The following ANKRD18B variants were observed in gnomAD, a reference collection of about 807,000 sequenced individuals.
ANKRD18B encodes the protein ankyrin repeat domain 18B.
In ANKRD18B, 75 loss-of-function variants were observed where a neutral mutation model predicts 111.8. The ratio of observed to expected loss-of-function variants is 0.67; its 90% CI spans 0.56 to 0.81. The LOEUF is 0.81. Ranked by LOEUF, ANKRD18B falls within the 40% of genes least tolerant of loss-of-function variation. The pLI is 0.00. For missense variants in ANKRD18B, 1,038 were observed against 1,225.5 expected (o/e 0.85, Z 2.28); for synonymous variants, 356 against 417.3 (o/e 0.85, Z 1.79).
chr9:33,571,476 T>G (rs1262017526), intron 18 of ANKRD18B, 185 bp downstream of exon 18: 1 of 173,020 alleles, frequency 5.8e-6, no homozygotes, highest in Non-Finnish European at 1.3e-5. Flanking sequence ...TATGCATCAT[T>G]AATTCATCAT....
intron 9 of ANKRD18B, 59 bp from the exon 10 acceptor site, chr9:33,543,126 T>C (rs2118036534): frequency 1.4e-6 from 2 of 1,401,652 alleles, no homozygotes; most frequent in Non-Finnish European, 1.9e-6. Flanking sequence ...TATCAATTTT[T>C]ATAAAGATTA....
At chr9:33,555,226 G>A (rs924105179) in intron 12 of ANKRD18B, among the ~76,000 whole-genome samples, 1 of 152,148 alleles carries the variant, frequency 6.6e-6, no homozygotes, top group African/African-American at 2.4e-5. Flanking sequence ...ACCTACAGGT[G>A]AATACTTACA....
At chr9:33,573,846 GCCT>G (rs1377308468), downstream of ANKRD18B, among the ~76,000 whole-genome samples, 1 of 145,274 alleles carries the variant, frequency 6.9e-6, no homozygotes, top group Admixed American at 7.0e-5. Context: ...GTTAGCGGTG[GCCT>G]CCTCAGTGAA....
At chr9:33,537,684 G>A (rs116572936) in intron 6 of ANKRD18B, among the ~76,000 whole-genome samples, 8,095 of 152,172 alleles carry the variant, frequency 0.053, 254 homozygotes, top group South Asian at 0.095. Context: ...GCGGGGGTTA[G>A]GGACTCTGAT....
chr9:33,564,976 C>T (rs1828664202), intron 14 of ANKRD18B, among the ~76,000 whole-genome samples: 1 of 152,110 alleles, frequency 6.6e-6, no homozygotes, highest in Non-Finnish European at 1.5e-5. Flanking sequence ...AGATGAATAG[C>T]TTGAAAATGT....
intron 10 of ANKRD18B, among the ~76,000 whole-genome samples, chr9:33,546,157 TA>T (rs1293601066): frequency 6.6e-6 from 1 of 152,180 alleles, no homozygotes; most frequent in Non-Finnish European, 1.5e-5. Flanking sequence ...GATAAAATGG[TA>T]ATACAGTGGG....
intron 3 of ANKRD18B, among the ~76,000 whole-genome samples, chr9:33,532,141 G>A (rs948295271): frequency 6.6e-6 from 1 of 152,100 alleles, no homozygotes; most frequent in African/African-American, 2.4e-5. Context: ...GGCTGAGGCA[G>A]GAGAATGGCA....
At position 33,534,469 on chromosome 9, in the gene ANKRD18B, A is replaced by T; in HGVS notation, c.702A>T (p.Gln234His). Residue 234 changes from glutamine (Q) to histidine (H), a missense_variant, in exon 5 of 19, where the codon CAA (glutamine) becomes CAT (histidine). By Grantham distance (24) the Gln-to-His change is conservative. This residue lies in a region of ANKRD18B where 93 missense variants were observed against 141.3 expected (regional missense o/e 0.66). Coordinates refer to ENST00000684830, the MANE Select transcript of ANKRD18B (RefSeq NM_001393611.1). ...IHISSQDMFG[Q>H]TAEDYAFCCD... Reference sequence around the variant, plus strand: ...TCTCTTCTCAAGACATGTTTGGCCAAACTGCCGAGGATTATGCTTTTTGTT... The same window carrying T: ...TCTCTTCTCAAGACATGTTTGGCCATACTGCCGAGGATTATGCTTTTTGTT... The T allele has an allele frequency of 2.6e-6, 4 of 1,550,528 alleles. No individual in the cohort carries two copies. Among genetic ancestry groups the T allele is most frequent in the Non-Finnish European group, 3.5e-6 (4 of 1,146,686 alleles).
chr9:33,570,393 A>G (rs945849724), intron 17 of ANKRD18B, among the ~76,000 whole-genome samples: 4 of 151,734 alleles, frequency 2.6e-5, no homozygotes, highest in Non-Finnish European at 4.4e-5. Context: ...AAACCTCAGC[A>G]TTCCTCAATA....
chr9:33,528,210 AG>A (rs1431740842), intron 1 of ANKRD18B, among the ~76,000 whole-genome samples: 3 of 152,184 alleles, frequency 2.0e-5, no homozygotes. Flanking sequence ...CTGGGGCAGG[AG>A]GTTTGTTTGA....
downstream of ANKRD18B, among the ~76,000 whole-genome samples, chr9:33,575,103 G>A (rs1828842261): frequency 6.6e-6 from 1 of 152,180 alleles, no homozygotes; most frequent in African/African-American, 2.4e-5. Context: ...CAGCTACTGA[G>A]GGTAATACCT....
rs575414956 is a variant in ANKRD18B, at chr9:33,572,794, T to C, written c.*360T>C. Reference sequence around the variant, plus strand: ...GCCAGGTTTGTCCATACTAGTGTTATGATTTTCTTTTTGTAGTTCAATAGT... The same window carrying C: ...GCCAGGTTTGTCCATACTAGTGTTACGATTTTCTTTTTGTAGTTCAATAGT... On this transcript the variant is annotated 3_prime_UTR_variant, in exon 19 of 19. Coordinates refer to ENST00000684830, the MANE Select transcript of ANKRD18B (RefSeq NM_001393611.1). 1.4e-5 allele frequency: 13 copies of C among 944,130 alleles called. No individual in the cohort carries two copies. The East Asian group carries it at 1.3e-3, about 95-fold the overall frequency. 58.5% of individuals were successfully genotyped at this position (944,130 alleles called of 1,614,324 possible).
At position 33,545,938 on chromosome 9, in the gene ANKRD18B, G is replaced by A. The variant is rs184034259; in HGVS notation, c.1150-2000G>A. On this transcript the variant is annotated intron_variant, in intron 10 of 18. Coordinates refer to ENST00000684830, the MANE Select transcript of ANKRD18B (RefSeq NM_001393611.1). Reference sequence around the variant, plus strand: ...AGATTAGTGCTGCTGTCTAAATGGCGGTTCTGGAAAACATTCTCATAATCT... The same window carrying A: ...AGATTAGTGCTGCTGTCTAAATGGCAGTTCTGGAAAACATTCTCATAATCT... 1.2e-4 allele frequency among the ~76,000 whole-genome samples: 18 copies of A among 152,238 alleles called. No homozygotes were observed. The East Asian group carries it at 2.7e-3, about 23-fold the overall frequency.
rs2763825 is a variant in ANKRD18B at position 33,555,776 on chromosome 9, T to C, written c.2286T>C (p.Asp762=). 7.0e-7 allele frequency: 1 copy of C among 1,418,478 alleles called. No individual in the cohort carries two copies. The highest frequency in any genetic ancestry group is 9.2e-7 in the Non-Finnish European group (1 of 1,086,388). The allele number at this position is 1,418,478 out of a possible 1,614,324, so 87.9% of individuals were successfully genotyped here. Reference sequence around the variant, plus strand: ...TATCATTACTGAACTATACTGCGGATCAAATAAGAAAGAAAAATCGTGAAT... The same window carrying C: ...TATCATTACTGAACTATACTGCGGACCAAATAAGAAAGAAAAATCGTGAAT... ...ELISLLNYTA[D]QIRKKNRELE... Residue 762 remains aspartate (D), a synonymous_variant, in exon 13 of 19, where the codon GAT becomes GAC. Coordinates refer to ENST00000684830, the MANE Select transcript of ANKRD18B (RefSeq NM_001393611.1).
At chr9:33,541,439 CTGCCT>C (rs1828278127) in intron 9 of ANKRD18B, among the ~76,000 whole-genome samples, 1 of 152,176 alleles carries the variant, frequency 6.6e-6, no homozygotes, top group Non-Finnish European at 1.5e-5. Context: ...ACGGTGGCTC[CTGCCT>C]GTAATGAGTC....
intron 12 of ANKRD18B, among the ~76,000 whole-genome samples, chr9:33,553,304 G>C (rs1471722489): frequency 6.6e-6 from 1 of 152,024 alleles, no homozygotes; most frequent in Non-Finnish European, 1.5e-5. Flanking sequence ...GAATATCAAG[G>C]CTGCAGTGAG....
Position 33,568,901 on chromosome 9 carries a change from A to C in ANKRD18B, c.3177+8A>C. ...AAGAACTCCTTGACTGAGGTTAGTT[A>C]TATGACCATTTCTCTTTTGGGTTTC... is the stretch of plus-strand genomic sequence containing the variant. On this transcript the variant is annotated splice_region_variant and intron_variant, in intron 17 of 18. Transcript: ENST00000684830. 6.5e-7 allele frequency: 1 copy of C among 1,527,340 alleles called. No individual in the cohort carries two copies. Among genetic ancestry groups the C allele is most frequent in the Non-Finnish European group, 8.8e-7 (1 of 1,137,306 alleles). 94.6% of individuals were successfully genotyped at this position (1,527,340 alleles called of 1,614,324 possible).
downstream of ANKRD18B, chr9:33,573,131 G>A (rs562494752): frequency 5.4e-6 from 7 of 1,288,396 alleles, no homozygotes; most frequent in East Asian, 1.5e-4. Context: ...TCTGGCACAA[G>A]GTGTTCTAAA....
intron 15 of ANKRD18B, among the ~76,000 whole-genome samples, chr9:33,566,814 T>A (rs1228817200): frequency 6.6e-6 from 1 of 152,206 alleles, no homozygotes. Flanking sequence ...GGTCTTAAGC[T>A]ACGTTGTTCA....
Sources: allele counts gnomAD v4.1 joint callset (sites outside exome capture counted in the v4.1 genomes callset), GRCh38; gene constraint gnomAD v4.1.1; regional missense constraint gnomAD v4.1.1; transcripts MANE v1.5; gene names NCBI Gene and HGNC (gene_info 2026-07-23, HGNC 2026-07-21).